Variants in CRB2 observed in about 807,000 individuals in gnomAD.
The protein encoded by CRB2 is crumbs cell polarity complex component 2.
Under a neutral mutation model 110.9 loss-of-function variants are expected in CRB2, and 85 were observed. The observed-to-expected ratio is 0.77, with a 90% CI of 0.64 to 0.92. The LOEUF is 0.92. CRB2 is among the 40% of genes least tolerant of loss of function. The pLI is 0.00. For synonymous variants in CRB2, 907 were observed against 831.0 expected, an observed-to-expected ratio of 1.09 and a Z score of -1.57; for missense variants, 1,843 against 1,851.3, an observed-to-expected ratio of 1.00 and a Z score of 0.08.
chr9:123,373,434 CCA>C lies in CRB2; in HGVS notation c.2905_2906del (p.Thr969HisfsTer23). On this transcript the variant is annotated frameshift_variant, in exon 10 of 13. Transcript: ENST00000373631. LOFTEE classifies it high-confidence loss of function. ...CGTCTGGCCATGGAGCGCCCGGCGG[CCA>C]CCACCTCGCGCTGGCTGCTGTGGCT... 1 of 1,447,654 alleles carries C rather than the reference CCA, an allele frequency of 6.9e-7. No individual in the cohort carries two copies. Among genetic ancestry groups the C allele is most frequent in the South Asian group, 1.3e-5 (1 of 74,654 alleles). The allele number at this position is 1,447,654 out of a possible 1,614,324, so 89.7% of individuals were successfully genotyped here. A position where few individuals can be genotyped will look rare whatever the true frequency, so the allele number is the denominator to read the frequency against.
intron 1 of CRB2, among the ~76,000 whole-genome samples, chr9:123,361,338 G>A (rs1457910753): frequency 6.6e-6 from 1 of 152,192 alleles, no homozygotes; most frequent in Non-Finnish European, 1.5e-5. Context: ...ACACCTCCAT[G>A]AGATGGGCAC....
chr9:123,367,185 G>A lies in CRB2; in HGVS notation c.768G>A (p.Glu256=). Residue 256 remains glutamate, a synonymous_variant, in exon 5 of 13, where the codon GAG becomes GAA. Coordinates refer to ENST00000373631, the MANE Select transcript of CRB2 (RefSeq NM_173689.7). Reference sequence around the variant, plus strand: ...GTGTGCCCCCAGGCTACAGCGGCGAGCTGTGCGAGGTGGACGAGGACGAGT... The same window carrying A: ...GTGTGCCCCCAGGCTACAGCGGCGAACTGTGCGAGGTGGACGAGGACGAGT... ...RCLCWPGYSG[E]LCEVDEDECA... 6.3e-7 allele frequency: 1 copy of A among 1,593,088 alleles called. No homozygotes were observed. The highest frequency in any genetic ancestry group is 1.8e-5 in the Admixed American group (1 of 56,266).
At position 123,366,038 on chromosome 9, in the gene CRB2, T is replaced by C; in HGVS notation, c.540T>C (p.Arg180=). ...GCGCGCCAGGCTACGGGGGCACCCG[T>C]TGCCAGCTGGACCTCGACGAGTGCC... ...CVCAPGYGGT[R]CQLDLDECQS... Residue 180 remains arginine (R), a synonymous_variant, in exon 3 of 13, where the codon CGT becomes CGC. Coordinates refer to ENST00000373631, the MANE Select transcript of CRB2 (RefSeq NM_173689.7). 3 of 1,586,870 alleles carry C rather than the reference T, an allele frequency of 1.9e-6. No homozygotes were observed. The highest frequency in any genetic ancestry group is 2.6e-6 in the Non-Finnish European group (3 of 1,174,000).
chr9:123,367,438 A>ACCCCCCCACCCCCCCCC (rs2041952284), intron 5 of CRB2, 81 bp downstream of exon 5: 1 of 725,392 alleles, frequency 1.4e-6, no homozygotes, highest in Non-Finnish European at 1.8e-6. Context: ...CACCCCCCCC[A>ACCCCCCCACCCCCCCCC]CCCCCCCACC....
chr9:123,359,973 C>A (rs776217129), intron 1 of CRB2, among the ~76,000 whole-genome samples: 2 of 151,624 alleles, frequency 1.3e-5, no homozygotes, highest in Non-Finnish European at 2.9e-5. Flanking sequence ...GGTGAGGCAG[C>A]TGTAATGTAC....
intron 1 of CRB2, 45 bp from the exon 2 acceptor site, chr9:123,362,820 T>C (rs748736382): frequency 3.9e-6 from 6 of 1,523,984 alleles, no homozygotes; most frequent in Non-Finnish European, 5.3e-6. Context: ...AGATTGTCCT[T>C]GTAACCTCTG....
Position 123,363,151 on chromosome 9 carries a change from C to CGATCG in CRB2, c.382_386dup (p.Tyr130IlefsTer14). On this transcript the variant is annotated frameshift_variant, in exon 2 of 13. Coordinates refer to ENST00000373631, the MANE Select transcript of CRB2 (RefSeq NM_173689.7). LOFTEE classifies it high-confidence loss of function. ...ATGGGGCCACCTGCCGCAACCTGGC[C>CGATCG]GATCGCTACGAGTGCCATTGCCCCC... 1.2e-6 allele frequency: 2 copies of CGATCG among 1,610,282 alleles called. No individual in the cohort carries two copies. Among genetic ancestry groups the CGATCG allele is most frequent in the Non-Finnish European group, 1.7e-6 (2 of 1,178,912 alleles).
intron 1 of CRB2, among the ~76,000 whole-genome samples, chr9:123,359,441 G>GTTTTTTTTTTTTTTTTTTTTT (rs375773781): frequency 5.3e-5 from 5 of 94,426 alleles, no homozygotes; most frequent in African/African-American, 1.2e-4. Flanking sequence ...TTTTTGTTTT[G>GTTTTTTTTTTTTTTTTTTTTT]TTTTTTTTTT....
At chr9:123,367,018 G>T (rs1198421926) in intron 4 of CRB2, among the ~76,000 whole-genome samples, 154 bp from the exon 5 acceptor site, 1 of 151,976 alleles carries the variant, frequency 6.6e-6, no homozygotes, top group Non-Finnish European at 1.5e-5. Context: ...AGGCTGCCGT[G>T]GTCATTCCTG....
chr9:123,371,672 A>T, intron 8 of CRB2, 94 bp downstream of exon 8: 1 of 1,546,714 alleles, frequency 6.5e-7, no homozygotes. Flanking sequence ...CCTTTTGCTG[A>T]TGAGGAAACT....
Position 123,371,252 on chromosome 9 carries a change from C to T in CRB2, c.2110C>T (p.Arg704Trp), listed in dbSNP as rs755475275. 2.4e-5 allele frequency: 38 copies of T among 1,613,856 alleles called. No homozygotes were observed. The highest frequency in any genetic ancestry group is 3.1e-5 in the Non-Finnish European group (37 of 1,180,034). The change falls in exon 8 of 13, where the codon CGG (arginine) becomes TGG (tryptophan). Residue 704 changes from arginine (R) to tryptophan (W), a missense_variant. Physicochemically the swap from Arg to Trp is moderately radical, Grantham distance 101 (BLOSUM62 -3). Transcript: ENST00000373631. ...CCTAACAGTATTCCTGAGTGAGGGT[C>T]GGATCCGGGCTGAGGTGCCGGGCAG... ...AGLTVFLSEG[R>W]IRAEVPGSPA... is the part of the protein sequence containing the mutation.
chr9:123,358,112 G>C (rs978280705), intron 1 of CRB2, among the ~76,000 whole-genome samples: 1 of 152,202 alleles, frequency 6.6e-6, no homozygotes, highest in Non-Finnish European at 1.5e-5. Flanking sequence ...CTGCATGCTG[G>C]TACCCTAGAC....
chr9:123,377,529 C>T lies in CRB2; in HGVS notation c.*467C>T, dbSNP rs2042121486. 6.5e-6 allele frequency: 1 copy of T among 154,066 alleles called. No individual in the cohort carries two copies. Among genetic ancestry groups the T allele is most frequent in the Non-Finnish European group, 1.4e-5 (1 of 69,404 alleles). 9.5% of individuals were successfully genotyped at this position (154,066 alleles called of 1,614,324 possible). A position where few individuals can be genotyped will look rare whatever the true frequency, so the allele number is the denominator to read the frequency against. On this transcript the variant is annotated 3_prime_UTR_variant, in exon 13 of 13. Transcript: ENST00000373631. ...GGTGGCGGCTGCGCCATGGGGTCAA[C>T]CATTACAGTCCTAGGGCAGGGGCGG...
intron 10 of CRB2, 67 bp from the exon 11 acceptor site, chr9:123,374,512 G>A: frequency 8.4e-7 from 1 of 1,185,744 alleles, no homozygotes; most frequent in Non-Finnish European, 1.2e-6. Context: ...GTGGCCCACG[G>A]TCACAGCGCT....
At chr9:123,358,797 G>T (rs2041828660) in intron 1 of CRB2, among the ~76,000 whole-genome samples, 2 of 152,232 alleles carry the variant, frequency 1.3e-5, no homozygotes, top group African/African-American at 4.8e-5. Flanking sequence ...ACAAAACGAG[G>T]ACAGACTGGC....
At chr9:123,361,164 GGTGAGGGACAGTGCTCTGTGGGAATTAA>G (rs2041865409) in intron 1 of CRB2, among the ~76,000 whole-genome samples, 2 of 149,290 alleles carry the variant, frequency 1.3e-5, no homozygotes, top group African/African-American at 2.5e-5. Context: ...GCACTGCACA[GGTGAGGGACAGTGCTCTGTGGGAATTAA>G]GTGAGGGACC....
chr9:123,363,185 G>T lies in CRB2; in HGVS notation c.415G>T (p.Ala139Ser), dbSNP rs763439532. Residue 139 changes from alanine (A) to serine (S), a missense_variant, in exon 2 of 13, where the codon GCA (alanine) becomes TCA (serine). Ala to Ser is a moderately conservative substitution (Grantham distance 99). Transcript: ENST00000373631. ...RYECHCPLGYAGVTCEMEVDE... is the reference protein window; with the variant it reads ...RYECHCPLGYSGVTCEMEVDE... Reference sequence around the variant, plus strand: ...CGAGTGCCATTGCCCCCTTGGCTATGCAGGTAACAGCCTGGGCCGCCCTGG... The same window carrying T: ...CGAGTGCCATTGCCCCCTTGGCTATTCAGGTAACAGCCTGGGCCGCCCTGG... 3.7e-6 allele frequency: 6 copies of T among 1,600,410 alleles called. No individual in the cohort carries two copies. Among genetic ancestry groups the T allele is most frequent in the Non-Finnish European group, 5.1e-6 (6 of 1,172,902 alleles).
intron 12 of CRB2, 69 bp from the exon 13 acceptor site, chr9:123,376,769 T>C: frequency 7.1e-7 from 1 of 1,404,826 alleles, no homozygotes; most frequent in Non-Finnish European, 9.7e-7. Flanking sequence ...CTGCGCTCTC[T>C]GCTCTCTGAG....
rs374319931 is a variant in CRB2 at position 123,370,160 on chromosome 9, C to A, written c.1107C>A (p.His369Gln). The change falls in exon 7 of 13, where the codon CAC becomes CAA. Residue 369 changes from histidine to glutamine, a missense_variant. By Grantham distance (24) the His-to-Gln change is conservative. Coordinates refer to ENST00000373631, the MANE Select transcript of CRB2 (RefSeq NM_173689.7). ...AATGCCTGTCGGATCCCTGCCTGCACGGCGGAACCTGCAGTGACACTGTGG... is the reference window on the plus strand; with the variant it reads ...AATGCCTGTCGGATCCCTGCCTGCAAGGCGGAACCTGCAGTGACACTGTGG... ...VDECLSDPCL[H>Q]GGTCSDTVAG... 1.9e-6 allele frequency: 3 copies of A among 1,608,310 alleles called. No homozygotes were observed. The highest frequency in any genetic ancestry group is 1.7e-5 in the Admixed American group (1 of 59,858).
Sources: gnomAD v4.1 joint callset for allele counts (sites outside exome capture counted in the v4.1 genomes callset) on GRCh38, gnomAD v4.1.1 for gene constraint, MANE v1.5 for transcripts, NCBI Gene and HGNC (gene_info 2026-07-23, HGNC 2026-07-21) for gene names.